TTC6: variants seen among roughly 807,000 people sequenced by gnomAD.
TTC6 encodes tetratricopeptide repeat domain 6.
Under a neutral mutation model 210.4 loss-of-function variants are expected in TTC6, and 172 were observed. The ratio of observed to expected loss-of-function variants is 0.82; its 90% CI spans 0.72 to 0.93. TTC6 has a LOEUF of 0.93. TTC6 is among the 40% of genes least tolerant of loss of function. TTC6 has a pLI of 0.00. For missense variants in TTC6, 2,414 were observed against 2,318.1 expected, an observed-to-expected ratio of 1.04 and a Z score of -0.85; for synonymous variants, 804 against 819.6, an observed-to-expected ratio of 0.98 and a Z score of 0.32.
intron 29 of TTC6, among the ~76,000 whole-genome samples, chr14:37,829,289 T>G (rs960462622): frequency 6.6e-5 from 10 of 152,026 alleles, no homozygotes; most frequent in Non-Finnish European, 8.8e-5. Flanking sequence ...ACATTTGATC[T>G]TAGTTCTGTT....
chr14:37,787,875 A>ATG (rs1357755262), intron 15 of TTC6, among the ~76,000 whole-genome samples: 27 of 119,548 alleles, frequency 2.3e-4, no homozygotes, highest in Admixed American at 7.8e-4. Flanking sequence ...TATGCCCTTT[A>ATG]TGTGTGTGTG....
At chr14:37,601,724 C>A (rs1319517916) in intron 1 of TTC6, among the ~76,000 whole-genome samples, 1 of 152,178 alleles carries the variant, frequency 6.6e-6, no homozygotes, top group African/African-American at 2.4e-5. Context: ...GCAGTATAAT[C>A]GGGTGGCATA....
At chr14:37,663,374 A>G (rs1423251116) in intron 1 of TTC6, among the ~76,000 whole-genome samples, 2 of 152,210 alleles carry the variant, frequency 1.3e-5, no homozygotes, top group African/African-American at 4.8e-5. Context: ...ATACAAAATT[A>G]AATGACTGTG....
intron 23 of TTC6, 93 bp from the exon 26 acceptor site, chr14:37,808,640 C>G (rs1003627992): frequency 3.0e-6 from 2 of 667,894 alleles, no homozygotes; most frequent in African/African-American, 3.8e-5. Flanking sequence ...ATGAGTGTTT[C>G]AAAAACTCTG....
chr14:37,837,354 C>G, intron 29 of TTC6: 1 of 451,994 alleles, frequency 2.2e-6, no homozygotes. Flanking sequence ...GGAGTCTTTC[C>G]CTTGACTCAT....
chr14:37,829,375 CT>C (rs904163424), intron 29 of TTC6, among the ~76,000 whole-genome samples: 1 of 150,788 alleles, frequency 6.6e-6, no homozygotes, highest in Admixed American at 6.6e-5. Context: ...TATTTTTTGG[CT>C]TTTTTTCAGT....
At chr14:37,754,558 G>A (rs564706360) in intron 14 of TTC6, among the ~76,000 whole-genome samples, 14 of 151,838 alleles carry the variant, frequency 9.2e-5, no homozygotes, top group African/African-American at 3.1e-4. Context: ...TCAGCCTTCC[G>A]AGTAGTTGGG....
chr14:37,626,808 C>G (rs1024980241), intron 1 of TTC6, among the ~76,000 whole-genome samples: 2 of 152,148 alleles, frequency 1.3e-5, no homozygotes, highest in Non-Finnish European at 1.5e-5. Flanking sequence ...CCTAGCAAGA[C>G]AAAAAATTTT....
intron 1 of TTC6, among the ~76,000 whole-genome samples, chr14:37,679,384 G>A (rs1248973552): frequency 1.3e-5 from 2 of 152,108 alleles, no homozygotes; most frequent in Non-Finnish European, 2.9e-5. Context: ...TAGTTGGAGT[G>A]TACTATCTTC....
chr14:37,819,156 A>C (rs1300041803), intron 26 of TTC6, among the ~76,000 whole-genome samples: 1 of 152,202 alleles, frequency 6.6e-6, no homozygotes, highest in Non-Finnish European at 1.5e-5. Flanking sequence ...ATCAGCTGTA[A>C]ACCTCTGAAA....
chr14:37,707,448 ATC>A, intron 5 of TTC6, among the ~76,000 whole-genome samples: 1 of 152,038 alleles, frequency 6.6e-6, no homozygotes, highest in East Asian at 1.9e-4. Context: ...GCTTAGATTT[ATC>A]TCTTAAACCT....
intron 14 of TTC6, among the ~76,000 whole-genome samples, chr14:37,785,011 C>T (rs1443735995): frequency 9.9e-5 from 15 of 152,184 alleles, no homozygotes; most frequent in Admixed American, 9.8e-4. Flanking sequence ...TGATGGGCTT[C>T]CCTTTGTGGG....
intron 3 of TTC6, among the ~76,000 whole-genome samples, chr14:37,688,140 C>G (rs1458220558): frequency 2.0e-5 from 3 of 152,164 alleles, no homozygotes; most frequent in African/African-American, 7.2e-5. Context: ...CTTGAGGAAA[C>G]ATTGGCAGGA....
At chr14:37,671,561 G>A (rs2095758227) in intron 1 of TTC6, among the ~76,000 whole-genome samples, 1 of 151,900 alleles carries the variant, frequency 6.6e-6, no homozygotes, top group African/African-American at 2.4e-5. Context: ...CATTTTGAAC[G>A]GTTTTACAAT....
chr14:37,841,435 T>A lies in TTC6; in HGVS notation c.5299-10T>A, dbSNP rs763590191. The stretch of plus-strand genomic sequence containing the variant: ...CAATTAAAATATATCATTATCTTCA[T>A]ATTTTGTAGGCCAGTGACTACTTCT... On this transcript the variant is annotated splice_polypyrimidine_tract_variant and intron_variant, in intron 29 of 30. Transcript: ENST00000553443. 6.3e-6 allele frequency: 10 copies of A among 1,578,832 alleles called. No individual in the cohort carries two copies. The Admixed American group carries it at 2.0e-4, about 32-fold the overall frequency.
intron 10 of TTC6, among the ~76,000 whole-genome samples, chr14:37,746,573 A>T (rs1429156968): frequency 6.6e-6 from 1 of 152,124 alleles, no homozygotes; most frequent in Admixed American, 6.6e-5. Context: ...AGAACCCTTC[A>T]CTTAGAGTAT....
intron 9 of TTC6, among the ~76,000 whole-genome samples, chr14:37,738,208 A>C (rs2095907290): frequency 6.6e-6 from 1 of 150,400 alleles, no homozygotes; most frequent in Non-Finnish European, 1.5e-5. Context: ...AATATTATTA[A>C]AAATTAAGCT....
At chr14:37,842,476 G>GCTGCATAT (rs1313654458), downstream of TTC6, 3 of 478,938 alleles carry the variant, frequency 6.3e-6, no homozygotes, top group African/African-American at 6.0e-5. Context: ...TATATCATTT[G>GCTGCATAT]CTGCATATTT....
chr14:37,660,872 G>A (rs1007256739), intron 1 of TTC6, among the ~76,000 whole-genome samples: 2 of 152,224 alleles, frequency 1.3e-5, no homozygotes, highest in African/African-American at 4.8e-5. Context: ...TTTAATACTG[G>A]CCGTTCTGAC....
Sources: gnomAD v4.1 joint callset for allele counts (sites outside exome capture counted in the v4.1 genomes callset) on GRCh38, gnomAD v4.1.1 for gene constraint, MANE v1.5 for transcripts, NCBI Gene and HGNC (gene_info 2026-07-23, HGNC 2026-07-21) for gene names.